STXBP4: variants seen among roughly 807,000 people sequenced by gnomAD.
STXBP4 encodes syntaxin-binding protein 4.
A neutral mutation model predicts 76.1 loss-of-function variants in STXBP4; 55 were observed. The ratio of observed to expected loss-of-function variants is 0.72; its 90% CI spans 0.58 to 0.91. STXBP4 has a LOEUF of 0.91. Among genes scored for constraint, STXBP4 ranks in the 40% least tolerant of loss-of-function variants. The pLI is 0.00. For missense variants in STXBP4, 618 were observed against 636.9 expected (o/e 0.97, Z 0.32); for synonymous variants, 201 against 220.2 (o/e 0.91, Z 0.77).
intron 7 of STXBP4, among the ~76,000 whole-genome samples, chr17:55,004,916 A>G (rs2077981269): frequency 6.6e-6 from 1 of 152,202 alleles, no homozygotes; most frequent in Non-Finnish European, 1.5e-5. Flanking sequence ...GAGAGATGTC[A>G]TTGGCAGATG....
At chr17:55,023,147 G>A (rs2078344752) in intron 8 of STXBP4, among the ~76,000 whole-genome samples, 1 of 152,110 alleles carries the variant, frequency 6.6e-6, no homozygotes. Context: ...TTCTGGGAGC[G>A]GGTCCGTAGT....
chr17:55,034,771 A>C (rs1352243063), intron 10 of STXBP4, among the ~76,000 whole-genome samples: 3 of 152,054 alleles, frequency 2.0e-5, no homozygotes, highest in African/African-American at 7.2e-5. Flanking sequence ...GTACCCCCAC[A>C]AAAAATTGGG....
At chr17:55,058,601 A>G (rs562359496) in intron 12 of STXBP4, among the ~76,000 whole-genome samples, 1 of 152,134 alleles carries the variant, frequency 6.6e-6, no homozygotes, top group Admixed American at 6.5e-5. Flanking sequence ...TGCCTGAAGG[A>G]TGAATTTGGT....
At chr17:54,990,010 T>C (rs952849747) in intron 3 of STXBP4, among the ~76,000 whole-genome samples, 1 of 152,260 alleles carries the variant, frequency 6.6e-6, no homozygotes, top group Non-Finnish European at 1.5e-5. Flanking sequence ...TCAAGTAGTC[T>C]AATAACCAGG....
At chr17:54,976,187 AC>A (rs2077471924) in intron 1 of STXBP4, among the ~76,000 whole-genome samples, 1 of 152,132 alleles carries the variant, frequency 6.6e-6, no homozygotes, top group South Asian at 2.1e-4. Context: ...GCCTAAGGAA[AC>A]TTCTGAGAGC....
intron 17 of STXBP4, among the ~76,000 whole-genome samples, chr17:55,147,951 A>T (rs2080175314): frequency 6.6e-6 from 1 of 152,164 alleles, no homozygotes; most frequent in African/African-American, 2.4e-5. Context: ...TTTCTTCTAG[A>T]GTGTATTGCT....
chr17:55,094,059 A>G (rs751949182), intron 16 of STXBP4, among the ~76,000 whole-genome samples: 1 of 151,992 alleles, frequency 6.6e-6, no homozygotes, highest in Non-Finnish European at 1.5e-5. Flanking sequence ...TGAAGAGGTA[A>G]CATTGCATCC....
Position 55,172,295 on chromosome 17 carries a change from C to G in STXBP4, c.*12384C>G, listed in dbSNP as rs2080411187. 1 of 152,222 alleles carries G rather than the reference C, an allele frequency of 6.6e-6. No individual in the cohort carries two copies. 9.4% of individuals were successfully genotyped at this position (152,222 alleles called of 1,614,324 possible). On this transcript the variant is annotated 3_prime_UTR_variant, in exon 18 of 18. Transcript: ENST00000376352. ...TACAAAGCCTAGCCAAACCCCAGAC[C>G]CATTAACCCTGACTCTCTGAGAATA...
At position 55,097,507 on chromosome 17, in the gene STXBP4, T is replaced by TA. The variant is rs565917409; in HGVS notation, c.1489+16330dup. On this transcript the variant is annotated intron_variant, in intron 16 of 17. Transcript: ENST00000376352. The stretch of plus-strand genomic sequence containing the variant: ...TGAAACCCCGTCTCTACTAAAAATA[T>TA]AAAAAATTAGCTGGGCGTGGTGGCG... Among the ~76,000 whole-genome samples, 562 of 151,894 alleles carry TA rather than the reference T, an allele frequency of 3.7e-3. 3 individuals carry two copies. Among genetic ancestry groups the TA allele is most frequent in the African/African-American group, 0.013 (548 of 41,444 alleles).
the STXBP4 span, among the ~76,000 whole-genome samples, chr17:55,205,316 A>G: frequency 6.6e-6 from 1 of 152,072 alleles, no homozygotes; most frequent in Admixed American, 6.6e-5. Context: ...AAAAGGAAGC[A>G]TTTGCCATCA....
At chr17:55,116,592 G>A (rs2079782869) in intron 16 of STXBP4, among the ~76,000 whole-genome samples, 1 of 151,770 alleles carries the variant, frequency 6.6e-6, no homozygotes. Flanking sequence ...CACACTGAAT[G>A]TAAACTTCCT....
intron 16 of STXBP4, among the ~76,000 whole-genome samples, chr17:55,105,468 C>CTTT (rs778376430): frequency 3.7e-5 from 4 of 108,104 alleles, no homozygotes; most frequent in African/African-American, 5.9e-5. Context: ...TCTTTCTTTT[C>CTTT]TTTTTTTTTT....
intron 16 of STXBP4, among the ~76,000 whole-genome samples, chr17:55,114,508 C>T (rs1013342547): frequency 2.0e-5 from 3 of 152,050 alleles, no homozygotes; most frequent in African/African-American, 7.2e-5. Context: ...TCCCTTAGGG[C>T]ACAACATTAC....
chr17:55,018,445 A>G (rs776659648), intron 8 of STXBP4, among the ~76,000 whole-genome samples: 1 of 152,168 alleles, frequency 6.6e-6, no homozygotes, highest in Admixed American at 6.5e-5. Flanking sequence ...GCAAGATTTA[A>G]TAGAGTGAAA....
the STXBP4 span, among the ~76,000 whole-genome samples, chr17:55,189,037 C>T: frequency 6.6e-6 from 1 of 151,992 alleles, no homozygotes; most frequent in Non-Finnish European, 1.5e-5. Flanking sequence ...TTTTCTGAGT[C>T]CCTCAAGCAG....
intron 12 of STXBP4, among the ~76,000 whole-genome samples, chr17:55,067,511 G>T (rs906204508): frequency 1.3e-4 from 20 of 152,190 alleles, no homozygotes; most frequent in South Asian, 6.2e-4. Context: ...TAATGTACTT[G>T]GATATGGGAA....
chr17:55,198,499 G>A, the STXBP4 span, among the ~76,000 whole-genome samples: 6 of 152,238 alleles, frequency 3.9e-5, 1 homozygote, highest in African/African-American at 1.4e-4. Context: ...TTATTTTGAT[G>A]AGAGATTCTC....
chr17:55,180,879 G>C, the STXBP4 span, among the ~76,000 whole-genome samples: 2 of 152,194 alleles, frequency 1.3e-5, no homozygotes, highest in Admixed American at 6.5e-5. Context: ...GATAGCACCT[G>C]CTCTGTATGG....
rs541240849 is a variant in STXBP4 at position 55,040,382 on chromosome 17, A to C, written c.856-2854A>C. On this transcript the variant is annotated intron_variant, in intron 10 of 17. Coordinates refer to ENST00000376352, the MANE Select transcript of STXBP4 (RefSeq NM_178509.6). ...GATACCCAGAAATTTTTAGGTGAAT[A>C]GGATGGTAAAGTCACACACAATTTT... is the stretch of plus-strand genomic sequence containing the variant. Among the ~76,000 whole-genome samples the C allele has an allele frequency of 8.5e-5, 13 of 152,290 alleles. No homozygotes were observed. The East Asian group carries it at 1.7e-3, about 20-fold the overall frequency.
Sources: allele counts gnomAD v4.1 joint callset (sites outside exome capture counted in the v4.1 genomes callset), GRCh38; gene constraint gnomAD v4.1.1; transcripts MANE v1.5; gene names NCBI Gene and HGNC (gene_info 2026-07-23, HGNC 2026-07-21).